Variants in KIF26A observed in about 807,000 individuals in gnomAD.
KIF26A encodes the protein kinesin family member 26A, also known as kinesin-like protein KIF26A.
A neutral mutation model predicts 126.0 loss-of-function variants in KIF26A; 74 were observed. The ratio of observed to expected loss-of-function variants is 0.59; its 90% CI spans 0.49 to 0.71. The LOEUF is 0.71. Among genes scored for constraint, KIF26A ranks in the 30% least tolerant of loss-of-function variants. The pLI is 0.00. For missense variants in KIF26A, 2,984 were observed against 2,763.3 expected (o/e 1.08, Z -1.79); for synonymous variants, 1,445 against 1,232.7 (o/e 1.17, Z -3.61).
chr14:104,162,842 C>T (rs1285890464), intron 4 of KIF26A, among the ~76,000 whole-genome samples: 1 of 152,124 alleles, frequency 6.6e-6, no homozygotes, highest in East Asian at 1.9e-4. Context: ...TAGGGGCCAC[C>T]GTGGGGACCG....
intron 2 of KIF26A, among the ~76,000 whole-genome samples, chr14:104,142,173 G>GC (rs1264196970): frequency 2.0e-5 from 3 of 152,120 alleles, no homozygotes; most frequent in Non-Finnish European, 4.4e-5. Context: ...ACCTTTCTGA[G>GC]CTCTGGTGCC....
Position 104,179,765 on chromosome 14 carries a change from C to G in KIF26A, c.5624C>G (p.Pro1875Arg). 1 of 1,547,008 alleles carries G rather than the reference C, an allele frequency of 6.5e-7. No individual in the cohort carries two copies. Among genetic ancestry groups the G allele is most frequent in the Non-Finnish European group, 8.7e-7 (1 of 1,146,878 alleles). ...AGCGTTGCAGCCAGTGCTGCCATCC[C>G]GGGGCCGCAGGAGGTGGACGTCTGA... is the stretch of plus-strand genomic sequence containing the variant. The part of the protein sequence containing the change: ...DISVAASAAI[P>R]GPQEVDV Residue 1875 changes from proline to arginine, a missense_variant, in exon 15 of 15, where the codon CCG (proline) becomes CGG (arginine). Pro to Arg is a moderately radical substitution (Grantham distance 103). Transcript: ENST00000423312.
Position 104,179,935 on chromosome 14 carries a change from TG to T in KIF26A, c.*150del. The T allele has an allele frequency of 1.2e-6, 1 of 824,656 alleles. No individual in the cohort carries two copies. The highest frequency in any genetic ancestry group is 1.7e-6 in the Non-Finnish European group (1 of 573,754). 51.1% of individuals were successfully genotyped at this position (824,656 alleles called of 1,614,324 possible). On this transcript the variant is annotated 3_prime_UTR_variant, in exon 15 of 15. Coordinates refer to ENST00000423312, the MANE Select transcript of KIF26A (RefSeq NM_015656.2). Reference sequence around the variant, plus strand: ...GGAGTCTCAGAGAGGAGACGGAGTGTGGGGGAGGGAGGGCCGGCCACGCGGT... The same window carrying T: ...GGAGTCTCAGAGAGGAGACGGAGTGTGGGGAGGGAGGGCCGGCCACGCGGT...
chr14:104,177,666 C>T lies in KIF26A; in HGVS notation c.4878C>T (p.Ser1626=). 6.5e-7 allele frequency: 1 copy of T among 1,529,484 alleles called. No homozygotes were observed. Among genetic ancestry groups the T allele is most frequent in the Non-Finnish European group, 8.8e-7 (1 of 1,142,698 alleles). The allele number at this position is 1,529,484 out of a possible 1,614,324, so 94.7% of individuals were successfully genotyped here. A position where few individuals can be genotyped will look rare whatever the true frequency, so the allele number is the denominator to read the frequency against. ...VTAPRRPQRY[S]SGHGSDNSSV... is the part of the protein sequence containing the mutation. ...CCCCACGGCGGCCCCAGCGCTACAG[C>T]AGCGGCCATGGCAGCGACAACAGCA... Residue 1626 remains serine (S), a synonymous_variant, in exon 12 of 15, where the codon AGC becomes AGT. Coordinates refer to ENST00000423312, the MANE Select transcript of KIF26A (RefSeq NM_015656.2).
chr14:104,167,957 C>A (rs2037922640), intron 5 of KIF26A, among the ~76,000 whole-genome samples: 1 of 152,176 alleles, frequency 6.6e-6, no homozygotes, highest in South Asian at 2.1e-4. Context: ...CTCCAGGGGA[C>A]AAGGTCTGGA....
Position 104,180,849 on chromosome 14 carries a change from A to C in KIF26A, c.*1059A>C, listed in dbSNP as rs1431851697. The stretch of plus-strand genomic sequence containing the variant: ...ACCTTTGTACAAATGTGTAGATGAC[A>C]TCTTGCTACAGCTTTTATTTGTGAA... On this transcript the variant is annotated 3_prime_UTR_variant, in exon 15 of 15. Transcript: ENST00000423312. 6.5e-6 allele frequency: 1 copy of C among 153,526 alleles called. No homozygotes were observed. Among genetic ancestry groups the C allele is most frequent in the Non-Finnish European group, 1.5e-5 (1 of 68,158 alleles). 9.5% of individuals were successfully genotyped at this position (153,526 alleles called of 1,614,324 possible).
intron 6 of KIF26A, 86 bp from the exon 7 acceptor site, chr14:104,172,489 C>T: frequency 3.3e-6 from 3 of 903,012 alleles, no homozygotes; most frequent in Non-Finnish European, 5.2e-6. Flanking sequence ...CGACTGCCTG[C>T]ATGTGCCAGG....
At chr14:104,173,982 C>T (rs778330495) in intron 10 of KIF26A, 114 bp downstream of exon 10, 1 of 1,421,694 alleles carries the variant, frequency 7.0e-7, no homozygotes, top group East Asian at 2.4e-5. Flanking sequence ...GGCTTTGCTC[C>T]TCCACCACCT....
rs2037911195 is a variant in KIF26A at position 104,166,935 on chromosome 14, T to C, written c.1000T>C (p.Ser334Pro). The change falls in exon 5 of 15, where the codon TCC becomes CCC. Residue 334 changes from serine (S) to proline (P), a missense_variant. Ser to Pro is a moderately conservative substitution (Grantham distance 74, BLOSUM62 -1). Transcript: ENST00000423312. ...ACCGCCTCCAGCCACCCGCGGCACC[T>C]CCACCTACCCCACCGACTTCAGCGG... ...PPPPPATRGT[S>P]TYPTDFSGVL... 3.1e-6 allele frequency: 5 copies of C among 1,593,822 alleles called. No homozygotes were observed. Among genetic ancestry groups the C allele is most frequent in the Non-Finnish European group, 1.7e-6 (2 of 1,171,334 alleles).
At chr14:104,179,163 C>CCACATCAGGGCTGCTTG (rs1284574196) in intron 13 of KIF26A, 73 bp from the exon 14 acceptor site, 1 of 1,373,360 alleles carries the variant, frequency 7.3e-7, no homozygotes, top group African/African-American at 1.5e-5. Flanking sequence ...GAGGCGGGGG[C>CCACATCAGGGCTGCTTG]CACATCAGGG....
intron 2 of KIF26A, among the ~76,000 whole-genome samples, chr14:104,149,402 C>A (rs1321739914): frequency 6.6e-6 from 1 of 152,184 alleles, no homozygotes; most frequent in African/African-American, 2.4e-5. Context: ...GGGAAGGTAC[C>A]CTGGCCCAGA....
At chr14:104,144,145 C>A (rs1042925523) in intron 2 of KIF26A, among the ~76,000 whole-genome samples, 4 of 152,176 alleles carry the variant, frequency 2.6e-5, no homozygotes, top group African/African-American at 9.7e-5. Context: ...GTGGAGGGCA[C>A]GTCCTTGTGC....
chr14:104,178,738 A>C lies in KIF26A; in HGVS notation c.5299A>C (p.Arg1767=). The change falls in exon 13 of 15, where the codon AGG becomes CGG. Residue 1767 remains arginine (R), a synonymous_variant. Transcript: ENST00000423312. ...CCTTCAGCGGCCCCGCCCCACCCCG[A>C]GGGAGGCCCCCACCCAGGTAGGGCC... ...ERLQRPRPTP[R]EAPTQGLACV... The C allele has an allele frequency of 1.3e-6, 2 of 1,537,994 alleles. No individual in the cohort carries two copies. Among genetic ancestry groups the C allele is most frequent in the South Asian group, 2.4e-5 (2 of 83,452 alleles).
chr14:104,171,868 G>A lies in KIF26A; in HGVS notation c.1259G>A (p.Arg420Gln), dbSNP rs376110702. Residue 420 changes from arginine (R) to glutamine (Q), a missense_variant, in exon 6 of 15, where the codon CGA becomes CAA. By Grantham distance (43) the Arg-to-Gln change is conservative. Transcript: ENST00000423312. Reference sequence around the variant, plus strand: ...CCCCCAGGCAGCGCAGGCCCCCGGCGAGCCGCCACTGCTGCAGTTCCCAAG... The same window carrying A: ...CCCCCAGGCAGCGCAGGCCCCCGGCAAGCCGCCACTGCTGCAGTTCCCAAG... Reference protein sequence around the residue: ...AGPPGSAGPRRAATAAVPKMF... With the variant: ...AGPPGSAGPRQAATAAVPKMF... The A allele has an allele frequency of 5.1e-6, 8 of 1,555,242 alleles. No homozygotes were observed. Among genetic ancestry groups the A allele is most frequent in the East Asian group, 2.4e-5 (1 of 41,134 alleles).
Position 104,177,583 on chromosome 14 carries a change from G to T in KIF26A, c.4795G>T (p.Gly1599Trp). Residue 1599 changes from glycine (G) to tryptophan (W), a missense_variant, in exon 12 of 15, where the codon GGG becomes TGG. By Grantham distance (184) the Gly-to-Trp change is radical. Coordinates refer to ENST00000423312, the MANE Select transcript of KIF26A (RefSeq NM_015656.2). ...DSGHDSGVNV[G>W]EERPPTGPAL... ...CGGCCATGACAGCGGCGTGAACGTGGGGGAGGAGCGGCCACCCACGGGCCC... is the reference window on the plus strand; with the variant it reads ...CGGCCATGACAGCGGCGTGAACGTGTGGGAGGAGCGGCCACCCACGGGCCC... The T allele has an allele frequency of 1.3e-6, 2 of 1,533,694 alleles. No individual in the cohort carries two copies. The highest frequency in any genetic ancestry group is 1.7e-6 in the Non-Finnish European group (2 of 1,145,036).
At chr14:104,159,456 G>C (rs1406254116) in intron 4 of KIF26A, among the ~76,000 whole-genome samples, 1 of 152,224 alleles carries the variant, frequency 6.6e-6, no homozygotes, top group Non-Finnish European at 1.5e-5. Flanking sequence ...TGCCAAGGAG[G>C]GTTCCTGACA....
chr14:104,178,449 C>T, intron 12 of KIF26A, 101 bp from the exon 13 acceptor site: 1 of 896,798 alleles, frequency 1.1e-6, no homozygotes, highest in South Asian at 2.3e-5. Flanking sequence ...TCCCGAAGGC[C>T]TCCCTGTCAG....
In KIF26A at chr14:104,177,669, C is replaced by A; in HGVS notation, c.4881C>A (p.Ser1627Arg). 1 of 1,529,034 alleles carries A rather than the reference C, an allele frequency of 6.5e-7. No individual in the cohort carries two copies. 94.7% of individuals were successfully genotyped at this position (1,529,034 alleles called of 1,614,324 possible). The change falls in exon 12 of 15, where the codon AGC becomes AGA. Residue 1627 changes from serine (S) to arginine (R), a missense_variant. Physicochemically the swap from Ser to Arg is moderately radical, Grantham distance 110. Transcript: ENST00000423312. ...CACGGCGGCCCCAGCGCTACAGCAG[C>A]GGCCATGGCAGCGACAACAGCAGCG... ...TAPRRPQRYS[S>R]GHGSDNSSVL...
intron 5 of KIF26A, 75 bp from the exon 6 acceptor site, chr14:104,171,647 TG>T: frequency 1.5e-6 from 2 of 1,298,780 alleles, no homozygotes; most frequent in Non-Finnish European, 2.1e-6. Context: ...CCACCTGAGC[TG>T]GGCCCCTCCT....
Sources: gnomAD v4.1 joint callset for allele counts (sites outside exome capture counted in the v4.1 genomes callset) on GRCh38, gnomAD v4.1.1 for gene constraint, MANE v1.5 for transcripts, NCBI Gene and HGNC (gene_info 2026-07-23, HGNC 2026-07-21) for gene names.